The following MERTK variants were observed in gnomAD, a reference collection of about 807,000 sequenced individuals.
MERTK encodes the protein tyrosine-protein kinase Mer.
Under a neutral mutation model 99.3 loss-of-function variants are expected in MERTK, and 69 were observed. The observed-to-expected ratio is 0.70, with a 90% confidence interval of 0.57 to 0.85. MERTK has a LOEUF of 0.85. Ranked by LOEUF, MERTK falls within the 40% of genes least tolerant of loss-of-function variation. The pLI is 0.00. For synonymous variants in MERTK, 426 were observed against 467.6 expected, an observed-to-expected ratio of 0.91 and a Z score of 1.15; for missense variants, 1,125 against 1,249.4, an observed-to-expected ratio of 0.90 and a Z score of 1.50.
intron 3 of MERTK, among the ~76,000 whole-genome samples, chr2:111,946,279 C>T (rs1684960599): frequency 6.6e-6 from 1 of 152,134 alleles, no homozygotes; most frequent in African/African-American, 2.4e-5. Flanking sequence ...TTTTATTTGT[C>T]AGAATCCCAG....
Position 112,029,323 on chromosome 2 carries a change from GATTA to G in MERTK, c.*463_*466del. On this transcript the variant is annotated 3_prime_UTR_variant, in exon 19 of 19. Transcript: ENST00000295408. ...ATTCAATGTTTAAAGTTGTATAACT[GATTA>G]ATTTTCTGATATGGCTTCCTAATAA... 2.1e-6 allele frequency: 2 copies of G among 948,014 alleles called. No homozygotes were observed. The highest frequency in any genetic ancestry group is 1.8e-5 in the African/African-American group (1 of 56,412). 58.7% of individuals were successfully genotyped at this position (948,014 alleles called of 1,614,324 possible).
chr2:111,943,244 C>G (rs1412949583), intron 2 of MERTK, among the ~76,000 whole-genome samples: 2 of 152,198 alleles, frequency 1.3e-5, no homozygotes, highest in South Asian at 2.1e-4. Context: ...AAGCAAGCTT[C>G]TAGGAAGGAA....
At chr2:111,984,959 A>T (rs1372659881) in intron 8 of MERTK, among the ~76,000 whole-genome samples, 1 of 152,164 alleles carries the variant, frequency 6.6e-6, no homozygotes, top group East Asian at 1.9e-4. Context: ...ATCGTAGGGG[A>T]GCATCAATAT....
At chr2:111,960,029 A>T (rs1361439893) in intron 4 of MERTK, among the ~76,000 whole-genome samples, 5 of 152,196 alleles carry the variant, frequency 3.3e-5, no homozygotes, top group Non-Finnish European at 7.3e-5. Flanking sequence ...GATAATGAGA[A>T]TTAAAAGAGC....
chr2:111,917,998 A>G (rs1250485695), intron 1 of MERTK, among the ~76,000 whole-genome samples: 1 of 152,110 alleles, frequency 6.6e-6, no homozygotes, highest in Non-Finnish European at 1.5e-5. Context: ...AGTCGTGGCC[A>G]CCATTCATTT....
At chr2:111,968,468 T>C (rs1187328133) in intron 6 of MERTK, among the ~76,000 whole-genome samples, 1 of 152,084 alleles carries the variant, frequency 6.6e-6, no homozygotes, top group Non-Finnish European at 1.5e-5. Context: ...CAGGGCTCAG[T>C]CAGAAGCAAA....
intron 2 of MERTK, among the ~76,000 whole-genome samples, chr2:111,944,524 T>A (rs1684925073): frequency 2.0e-5 from 3 of 152,246 alleles, no homozygotes; most frequent in Non-Finnish European, 1.5e-5. Flanking sequence ...TCCTCTGTTT[T>A]AAGGAATTAG....
At chr2:111,898,887 G>C (rs139599782) in intron 1 of MERTK, 91 bp downstream of exon 1, 19 of 1,334,554 alleles carry the variant, frequency 1.4e-5, no homozygotes, top group African/African-American at 1.5e-5. Context: ...CCACAGGGGC[G>C]CGCCTGGCTG....
chr2:112,024,781 T>G (rs72825668), intron 18 of MERTK: 3,898 of 152,268 alleles, frequency 0.026, 71 homozygotes, highest in Middle Eastern at 0.065. Flanking sequence ...ATAAACAAAA[T>G]TAGCTGGGTG....
At chr2:111,997,975 C>T (rs1482341679) in intron 10 of MERTK, among the ~76,000 whole-genome samples, 1 of 152,174 alleles carries the variant, frequency 6.6e-6, no homozygotes, top group Non-Finnish European at 1.5e-5. Flanking sequence ...TTGCTTGAAC[C>T]CAGGAGGGTT....
In MERTK at chr2:111,933,224, T is replaced by TA. The variant is rs541099763; in HGVS notation, c.482+3685dup. Among the ~76,000 whole-genome samples the TA allele has an allele frequency of 9.5e-4, 144 of 152,340 alleles. 1 individual carries two copies. Among genetic ancestry groups the TA allele is most frequent in the African/African-American group, 3.2e-3 (131 of 41,576 alleles). Reference sequence around the variant, plus strand: ...GGGTCACTAGGCAGTGAGCTAGTCTTACTTAAACAGGGAGCCTGATTTGCA... The same window carrying TA: ...GGGTCACTAGGCAGTGAGCTAGTCTTAACTTAAACAGGGAGCCTGATTTGCA... On this transcript the variant is annotated intron_variant, in intron 2 of 18. Coordinates refer to ENST00000295408, the MANE Select transcript of MERTK (RefSeq NM_006343.3).
chr2:112,001,346 A>T, intron 11 of MERTK, 60 bp downstream of exon 11: 1 of 1,289,402 alleles, frequency 7.8e-7, no homozygotes, highest in South Asian at 1.2e-5. Flanking sequence ...ACAAAGAAGG[A>T]TCAATAGACA....
In MERTK at chr2:111,992,661, G is replaced by T. The variant is rs1467761749; in HGVS notation, c.1297-1590G>T. On this transcript the variant is annotated intron_variant, in intron 8 of 18. Transcript: ENST00000295408. ...AGCTACTCAGGAGGCTGAGGAAGGA[G>T]AATTGCTTGAACCTGGGAGGTGGAG... Among the ~76,000 whole-genome samples the T allele has an allele frequency of 4.0e-5, 6 of 150,014 alleles. No individual in the cohort carries two copies. In the South Asian group the frequency reaches 8.4e-4, roughly 21 times the overall value.
At chr2:111,974,488 C>T (rs1425254385) in intron 6 of MERTK, among the ~76,000 whole-genome samples, 3 of 151,330 alleles carry the variant, frequency 2.0e-5, no homozygotes, top group South Asian at 2.1e-4. Flanking sequence ...GATTAAGAAA[C>T]GCTGGGTGTG....
chr2:111,938,761 T>C (rs1487429858), intron 2 of MERTK, among the ~76,000 whole-genome samples: 1 of 152,238 alleles, frequency 6.6e-6, no homozygotes, highest in Non-Finnish European at 1.5e-5. Flanking sequence ...TAGAACATTC[T>C]GACTATTCAA....
chr2:111,991,513 A>C (rs1012481003), intron 8 of MERTK, among the ~76,000 whole-genome samples: 3 of 152,034 alleles, frequency 2.0e-5, no homozygotes, highest in Non-Finnish European at 2.9e-5. Context: ...GGTGTGAGCC[A>C]CCTCGCCCAG....
At chr2:112,009,203 G>A (rs1047075849) in intron 14 of MERTK, among the ~76,000 whole-genome samples, 4 of 152,212 alleles carry the variant, frequency 2.6e-5, no homozygotes, top group Admixed American at 6.5e-5. Context: ...ACTGCAGAGA[G>A]ATGTGAAAAT....
intron 4 of MERTK, among the ~76,000 whole-genome samples, chr2:111,960,191 C>T (rs1011597122): frequency 1.4e-4 from 21 of 152,032 alleles, no homozygotes; most frequent in Non-Finnish European, 2.6e-4. Context: ...CAGAAAATTC[C>T]AAATTTTGGC....
chr2:111,957,767 C>G (rs1020392422), intron 4 of MERTK, among the ~76,000 whole-genome samples: 2 of 152,108 alleles, frequency 1.3e-5, no homozygotes, highest in Non-Finnish European at 2.9e-5. Flanking sequence ...AGTTAAGAAG[C>G]TACCTCACTT....
Sources: gnomAD v4.1 joint callset for allele counts (sites outside exome capture counted in the v4.1 genomes callset) on GRCh38, gnomAD v4.1.1 for gene constraint, MANE v1.5 for transcripts, NCBI Gene and HGNC (gene_info 2026-07-23, HGNC 2026-07-21) for gene names.